EYS: variants seen among roughly 807,000 people sequenced by gnomAD.
EYS encodes EGF-like photoreceptor maintenance factor, also known as protein eyes shut homolog.
In EYS, 250 loss-of-function variants were observed where a neutral mutation model predicts 282.1. The observed-to-expected ratio is 0.89, with a 90% CI of 0.80 to 0.98. The LOEUF (loss-of-function observed/expected upper bound fraction) is 0.98, where lower values mean the gene tolerates loss of function less well. Among genes scored for constraint, EYS ranks in the 50% least tolerant of loss-of-function variants. EYS has a pLI of 0.00. For missense variants in EYS, 4,016 were observed against 3,709.0 expected, an observed-to-expected ratio of 1.08 and a Z score of -2.15; for synonymous variants, 1,355 against 1,282.9, an observed-to-expected ratio of 1.06 and a Z score of -1.20.
chr6:63,737,466 G>T (rs542900062), intron 41 of EYS, among the ~76,000 whole-genome samples: 1 of 152,132 alleles, frequency 6.6e-6, no homozygotes, highest in Non-Finnish European at 1.5e-5. Context: ...TAAGCTTTTT[G>T]ATGTGCTGTT....
chr6:65,417,168 T>C (rs115453973), intron 5 of EYS, among the ~76,000 whole-genome samples: 40 of 152,026 alleles, frequency 2.6e-4, no homozygotes, highest in Non-Finnish European at 5.0e-4. Context: ...CATTGTAAAG[T>C]TGTAGTAAAA....
chr6:64,442,689 C>T (rs1013552868), intron 26 of EYS, among the ~76,000 whole-genome samples: 2 of 152,160 alleles, frequency 1.3e-5, no homozygotes, highest in African/African-American at 4.8e-5. Context: ...GGCCAAGGTA[C>T]AGCTTGAGCC....
At chr6:65,111,567 G>A (rs142859520) in intron 12 of EYS, among the ~76,000 whole-genome samples, 1 of 152,244 alleles carries the variant, frequency 6.6e-6, no homozygotes, top group East Asian at 1.9e-4. Flanking sequence ...ACCCACATGG[G>A]CTGGGTGAGG....
chr6:64,245,283 T>C (rs373357503), intron 30 of EYS, among the ~76,000 whole-genome samples: 4 of 151,302 alleles, frequency 2.6e-5, no homozygotes, highest in African/African-American at 7.3e-5. Flanking sequence ...TTTACTCAGG[T>C]TGTTTTGTTT....
chr6:65,333,852 C>A (rs1446876095), intron 11 of EYS, among the ~76,000 whole-genome samples: 2 of 151,300 alleles, frequency 1.3e-5, no homozygotes, highest in East Asian at 3.9e-4. Flanking sequence ...CTCTTAAAAT[C>A]TATTTTTTCC....
At chr6:65,223,433 G>A (rs1766527064) in intron 12 of EYS, among the ~76,000 whole-genome samples, 1 of 152,020 alleles carries the variant, frequency 6.6e-6, no homozygotes, top group Admixed American at 6.6e-5. Context: ...GAGAACATAT[G>A]ACATTTTAAC....
chr6:64,847,084 C>A (rs1192522488), intron 19 of EYS, among the ~76,000 whole-genome samples: 1 of 152,092 alleles, frequency 6.6e-6, no homozygotes, highest in Non-Finnish European at 1.5e-5. Context: ...ATTCTACCTG[C>A]CTGTCTGAAA....
At chr6:65,224,749 G>A (rs1204374834) in intron 12 of EYS, among the ~76,000 whole-genome samples, 1 of 151,882 alleles carries the variant, frequency 6.6e-6, no homozygotes, top group Non-Finnish European at 1.5e-5. Flanking sequence ...AGAAATAAAA[G>A]GATAAAAGGA....
At chr6:65,035,396 G>C (rs1158526420) in intron 13 of EYS, among the ~76,000 whole-genome samples, 2 of 151,240 alleles carry the variant, frequency 1.3e-5, no homozygotes, top group African/African-American at 2.4e-5. Context: ...AATAGGAAGA[G>C]AGGAAGTCAC....
At chr6:64,242,831 A>G (rs1766876360) in intron 30 of EYS, among the ~76,000 whole-genome samples, 1 of 147,228 alleles carries the variant, frequency 6.8e-6, no homozygotes, top group Non-Finnish European at 1.5e-5. Flanking sequence ...TTTAATATAT[A>G]TAATATAAAT....
At chr6:64,634,885 T>A (rs1767919189) in intron 22 of EYS, among the ~76,000 whole-genome samples, 1 of 152,222 alleles carries the variant, frequency 6.6e-6, no homozygotes, top group African/African-American at 2.4e-5. Context: ...ATGATGGGGA[T>A]GGCATTGAAT....
At chr6:65,543,570 A>T (rs1768263223) in intron 2 of EYS, among the ~76,000 whole-genome samples, 1 of 151,386 alleles carries the variant, frequency 6.6e-6, no homozygotes, top group Admixed American at 6.6e-5. Flanking sequence ...TAGAAAAGGG[A>T]ATCTCTCAGA....
intron 35 of EYS, among the ~76,000 whole-genome samples, chr6:63,950,902 C>T (rs1390918324): frequency 6.6e-6 from 1 of 152,090 alleles, no homozygotes; most frequent in Non-Finnish European, 1.5e-5. Context: ...GAACCCAAAA[C>T]TCCGGCGCCT....
chr6:64,013,532 G>A (rs149233892), intron 33 of EYS, among the ~76,000 whole-genome samples: 174 of 152,288 alleles, frequency 1.1e-3, no homozygotes, highest in Middle Eastern at 3.4e-3. Flanking sequence ...GCACTAGCTC[G>A]TGAGAGCTAA....
intron 2 of EYS, among the ~76,000 whole-genome samples, chr6:65,637,698 G>T (rs1767138477): frequency 6.6e-6 from 1 of 152,176 alleles, no homozygotes; most frequent in Non-Finnish European, 1.5e-5. Context: ...ACCAAGCCTG[G>T]GCACTGTTGC....
intron 19 of EYS, among the ~76,000 whole-genome samples, chr6:64,860,254 A>T (rs1210840467): frequency 6.6e-6 from 1 of 152,238 alleles, no homozygotes; most frequent in Non-Finnish European, 1.5e-5. Context: ...CTCTGTGGCC[A>T]GTGGTGCCAT....
At chr6:64,230,916 G>A (rs1273103621) in intron 30 of EYS, 92 bp from the exon 31 acceptor site, 1 of 745,726 alleles carries the variant, frequency 1.3e-6, no homozygotes, top group African/African-American at 1.8e-5. Context: ...TAATATAAGA[G>A]AAAATGAAAC....
At chr6:64,599,097 T>C (rs910855726) in intron 24 of EYS, among the ~76,000 whole-genome samples, 26 of 152,218 alleles carry the variant, frequency 1.7e-4, no homozygotes, top group African/African-American at 6.3e-4. Flanking sequence ...CCAGATAATG[T>C]GGCTTCTTTA....
At chr6:64,207,936 G>C (rs992780627) in intron 31 of EYS, among the ~76,000 whole-genome samples, 1 of 152,158 alleles carries the variant, frequency 6.6e-6, no homozygotes, top group Non-Finnish European at 1.5e-5. Context: ...TGGGATCACA[G>C]GCTTGAGCCA....
Sources: gnomAD v4.1 joint callset for allele counts (sites outside exome capture counted in the v4.1 genomes callset) on GRCh38, gnomAD v4.1.1 for gene constraint, MANE v1.5 for transcripts, NCBI Gene and HGNC (gene_info 2026-07-23, HGNC 2026-07-21) for gene names.